The following PNPLA5 variants were observed in gnomAD, a reference collection of about 807,000 sequenced individuals.
PNPLA5 encodes the protein patatin like domain 5, triacylglycerol lipase.
PNPLA5 carries 44 observed loss-of-function variants against 49.1 expected under a neutral mutation model. The ratio of observed to expected loss-of-function variants is 0.90; its 90% CI spans 0.70 to 1.15. The LOEUF (loss-of-function observed/expected upper bound fraction) is 1.15. PNPLA5 is among the 50% of genes most tolerant of loss of function. PNPLA5 has a pLI of 0.00. For synonymous variants in PNPLA5, 243 were observed against 244.4 expected (o/e 0.99, Z 0.06); for missense variants, 603 against 564.0 (o/e 1.07, Z -0.70).
rs2049599890 is a variant in PNPLA5 at position 43,880,704 on chromosome 22, C to T, written c.*91G>A. 1.7e-6 allele frequency: 2 copies of T among 1,185,282 alleles called. No individual in the cohort carries two copies. The highest frequency in any genetic ancestry group is 3.8e-5 in the South Asian group (1 of 26,234). 73.4% of individuals were successfully genotyped at this position (1,185,282 alleles called of 1,614,324 possible). On this transcript the variant is annotated 3_prime_UTR_variant, in exon 9 of 9. Coordinates refer to ENST00000216177, the MANE Select transcript of PNPLA5 (RefSeq NM_138814.4). ...GTCTCCACGGAGATTGGCAGGGCCT[C>T]TTCCCGCTGGGGCAGATGTGGGCAC...
chr22:43,885,917 C>A (rs1304011143), intron 6 of PNPLA5, among the ~76,000 whole-genome samples: 4 of 152,180 alleles, frequency 2.6e-5, no homozygotes, highest in Non-Finnish European at 5.9e-5. Context: ...GAATCCAGAA[C>A]CCTCTGTGTG....
At position 43,887,580 on chromosome 22, in the gene PNPLA5, C is replaced by G; in HGVS notation, c.763+11G>C. 6.2e-7 allele frequency: 1 copy of G among 1,609,780 alleles called. No homozygotes were observed. Among genetic ancestry groups the G allele is most frequent in the Non-Finnish European group, 8.5e-7 (1 of 1,177,948 alleles). ...GACATGATCCCCAGCCACTGTGGGA[C>G]TGCCACCTACCACGTCTCTCCAGGA... On this transcript the variant is annotated intron_variant, in intron 5 of 8. Coordinates refer to ENST00000216177, the MANE Select transcript of PNPLA5 (RefSeq NM_138814.4).
rs751647070 is a variant in PNPLA5, at chr22:43,891,046, A to AC, written c.426+15dup. 3.1e-6 allele frequency: 5 copies of AC among 1,597,668 alleles called. No individual in the cohort carries two copies. Among genetic ancestry groups the AC allele is most frequent in the Admixed American group, 1.8e-5 (1 of 56,432 alleles). On this transcript the variant is annotated intron_variant, in intron 2 of 8. Coordinates refer to ENST00000216177, the MANE Select transcript of PNPLA5 (RefSeq NM_138814.4). ...CCCGCCCACCAGCCAAGCCCTGGGC[A>AC]CCCCCCGCCCCACACCTGGATGAGC... is the stretch of plus-strand genomic sequence containing the variant.
rs1032274462 is a variant in PNPLA5, at chr22:43,889,314, C to T, written c.702+15G>A. 2.5e-6 allele frequency: 4 copies of T among 1,612,844 alleles called. No individual in the cohort carries two copies. In the African/African-American group the frequency reaches 4.0e-5, roughly 16 times the overall value. On this transcript the variant is annotated intron_variant, in intron 4 of 8. Transcript: ENST00000216177. The stretch of plus-strand genomic sequence containing the variant: ...CTTGGCCAAGCCTCTAACACCATCA[C>T]AGGGCCAGACCTACCTCGAGGCTGG...
Position 43,889,410 on chromosome 22 carries a change from C to T in PNPLA5, c.621G>A (p.Leu207=). 6.2e-7 allele frequency: 1 copy of T among 1,614,108 alleles called. No homozygotes were observed. The highest frequency in any genetic ancestry group is 8.5e-7 in the Non-Finnish European group (1 of 1,180,022). ...PQSTSPNLHE[L]NVFNFSFQIS... ...TTTGGAAGCTGAAGTTGAAGACGTT[C>T]AGCTCATGCAGGTTGGGGGAGGTGC... Residue 207 remains leucine (L), a synonymous_variant, in exon 4 of 9, where the codon CTG becomes CTA. Coordinates refer to ENST00000216177, the MANE Select transcript of PNPLA5 (RefSeq NM_138814.4).
intron 7 of PNPLA5, among the ~76,000 whole-genome samples, chr22:43,883,869 A>G (rs918965196): frequency 6.6e-5 from 10 of 152,104 alleles, no homozygotes; most frequent in African/African-American, 2.4e-4. Context: ...TGTAGCCCAG[A>G]GAGGTCAAGA....
intron 6 of PNPLA5, 64 bp downstream of exon 6, chr22:43,886,238 TC>T (rs2049662456): frequency 2.0e-6 from 3 of 1,517,646 alleles, no homozygotes; most frequent in African/African-American, 1.4e-5. Flanking sequence ...CAAGGCAGGG[TC>T]CCTGAGCCCG....
At chr22:43,889,275 ACGGGGCCCT>A in intron 4 of PNPLA5, 45 bp downstream of exon 4, 1 of 1,593,998 alleles carries the variant, frequency 6.3e-7, no homozygotes, top group East Asian at 2.2e-5. Flanking sequence ...AGTCTGACTC[ACGGGGCCCT>A]TGACCTTGGC....
Position 43,880,812 on chromosome 22 carries a change from G to T in PNPLA5, c.1273C>A (p.Pro425Thr). 7.5e-7 allele frequency: 1 copy of T among 1,340,074 alleles called. No homozygotes were observed. 83.0% of individuals were successfully genotyped at this position (1,340,074 alleles called of 1,614,324 possible). A position where few individuals can be genotyped will look rare whatever the true frequency, so the allele number is the denominator to read the frequency against. Residue 425 changes from proline to threonine, a missense_variant, in exon 9 of 9, where the codon CCC (proline) becomes ACC (threonine). Physicochemically the swap from Pro to Thr is conservative, Grantham distance 38. Transcript: ENST00000216177. Reference protein sequence around the residue: ...QIAPHREELGPTHQA With the variant: ...QIAPHREELGTTHQA ...CGGCCCCCTCAGGCCTGGTGGGTGG[G>T]CCCGAGCTCCTCTCTATGAGGAGCT...
chr22:43,886,510 G>A (rs777757087), intron 5 of PNPLA5, 22 bp from the exon 6 acceptor site: 10 of 1,596,250 alleles, frequency 6.3e-6, no homozygotes, highest in Non-Finnish European at 7.7e-6. Context: ...GAAGGGAGAG[G>A]ATAAGTCAAG....
At chr22:43,891,651 T>TCCCCGCCCCTTTTCGC (rs2049724636) in intron 1 of PNPLA5, 37 bp downstream of exon 1, 4 of 1,513,710 alleles carry the variant, frequency 2.6e-6, no homozygotes, top group Non-Finnish European at 2.6e-6. Context: ...CATTAAGCTG[T>TCCCCGCCCCTTTTCGC]CCCCGCCCCT....
chr22:43,883,755 G>C (rs976009127), intron 7 of PNPLA5, among the ~76,000 whole-genome samples: 12 of 151,706 alleles, frequency 7.9e-5, no homozygotes, highest in African/African-American at 2.9e-4. Flanking sequence ...AGGTTGCAGT[G>C]AGCCAAGATC....
At chr22:43,883,526 G>T (rs2049631029) in intron 7 of PNPLA5, among the ~76,000 whole-genome samples, 1 of 152,222 alleles carries the variant, frequency 6.6e-6, no homozygotes, top group African/African-American at 2.4e-5. Context: ...TTACAGAAAA[G>T]GAACCTGTAG....
In PNPLA5 at chr22:43,880,473, C is replaced by T. The variant is rs538797268; in HGVS notation, c.*322G>A. The T allele has an allele frequency of 1.2e-3, 481 of 398,864 alleles. No homozygotes were observed. The highest frequency in any genetic ancestry group is 1.5e-3 in the Non-Finnish European group (345 of 226,244). The allele number at this position is 398,864 out of a possible 1,614,324, so 24.7% of individuals were successfully genotyped here. A position where few individuals can be genotyped will look rare whatever the true frequency, so the allele number is the denominator to read the frequency against. On this transcript the variant is annotated 3_prime_UTR_variant, in exon 9 of 9. Transcript: ENST00000216177. ...GTGAGGTGCTCCGTGGGCAGCTCCA[C>T]GGCAGAACAGGAGCCCCTCTCCCCA...
At chr22:43,890,115 G>A (rs1603413004) in intron 2 of PNPLA5, 2 of 982,866 alleles carry the variant, frequency 2.0e-6, no homozygotes, top group Middle Eastern at 5.3e-4. Context: ...AGGCTCCTGA[G>A]GAAGCCAGCC....
At chr22:43,887,930 C>G in intron 4 of PNPLA5, among the ~76,000 whole-genome samples, 1 of 152,238 alleles carries the variant, frequency 6.6e-6, no homozygotes, top group East Asian at 1.9e-4. Flanking sequence ...TGCTCTTGCC[C>G]CAGCCCCTCC....
In PNPLA5 at chr22:43,891,213, G is replaced by A; in HGVS notation, c.275C>T (p.Pro92Leu). Residue 92 changes from proline to leucine, a missense_variant, in exon 2 of 9, where the codon CCC becomes CTC. Transcript: ENST00000216177. ...SLSILHPAYAPIEHVKQQLQD... is the reference protein window; with the variant it reads ...SLSILHPAYALIEHVKQQLQD... ...CAGCTGCTGCTTGACGTGCTCGATG[G>A]GCGCGTAGGCCGGGTGCAGGATGCT... is the stretch of plus-strand genomic sequence containing the variant. The A allele has an allele frequency of 4.4e-6, 7 of 1,579,448 alleles. No homozygotes were observed. Among genetic ancestry groups the A allele is most frequent in the Non-Finnish European group, 6.0e-6 (7 of 1,159,020 alleles).
chr22:43,891,706 C>T lies in PNPLA5; in HGVS notation c.175G>A (p.Val59Ile), dbSNP rs373367711. 24 of 1,547,652 alleles carry T rather than the reference C, an allele frequency of 1.6e-5. No individual in the cohort carries two copies. The African/African-American group carries it at 3.2e-4, about 20-fold the overall frequency. ...GACTCACCGACCGACTTGCCGCAGA[C>T]GATGCTGACTGCGTTGAGCGCCCCA... is the stretch of plus-strand genomic sequence containing the variant. ...SSGALNAVSI[V>I]CGKSVDFCCS... is the part of the protein sequence containing the mutation. The change falls in exon 1 of 9, where the codon GTC (valine) becomes ATC (isoleucine). Residue 59 changes from valine to isoleucine, a missense_variant. Coordinates refer to ENST00000216177, the MANE Select transcript of PNPLA5 (RefSeq NM_138814.4).
chr22:43,884,288 C>T lies in PNPLA5; in HGVS notation c.1007G>A (p.Gly336Glu), dbSNP rs371877585. ...CAGGTACGTCAGCACCTGTCCAGGC[C>T]CCGAGTGCCAGAAGCGGGCCCACCG... is the stretch of plus-strand genomic sequence containing the variant. ...PSRWARFWHS[G>E]PGQVLTYLLL... Residue 336 changes from glycine to glutamate, a missense_variant, in exon 7 of 9, where the codon GGG (glycine) becomes GAG (glutamate). By Grantham distance (98) the Gly-to-Glu change is moderately conservative. Coordinates refer to ENST00000216177, the MANE Select transcript of PNPLA5 (RefSeq NM_138814.4). 23 of 1,601,412 alleles carry T rather than the reference C, an allele frequency of 1.4e-5. No homozygotes were observed. In the South Asian group the frequency reaches 2.5e-4, roughly 17 times the overall value.
Sources: gnomAD v4.1 joint callset for allele counts (sites outside exome capture counted in the v4.1 genomes callset) on GRCh38, gnomAD v4.1.1 for gene constraint, MANE v1.5 for transcripts, NCBI Gene and HGNC (gene_info 2026-07-23, HGNC 2026-07-21) for gene names.